The following BMP5 variants were observed in gnomAD, a reference collection of about 807,000 sequenced individuals.
BMP5 encodes bone morphogenetic protein 5.
BMP5 carries 23 observed loss-of-function variants against 46.6 expected under a neutral mutation model. That is an observed-to-expected ratio of 0.49 (90% CI 0.35 to 0.70). BMP5 has a LOEUF of 0.70. Ranked by LOEUF, BMP5 falls within the 30% of genes least tolerant of loss-of-function variation. The pLI is 0.00. For missense variants in BMP5, 545 were observed against 565.6 expected (o/e 0.96, Z 0.37); for synonymous variants, 204 against 191.9 (o/e 1.06, Z -0.52).
At chr6:55,825,296 G>A (rs1033432528) in intron 1 of BMP5, among the ~76,000 whole-genome samples, 1 of 151,804 alleles carries the variant, frequency 6.6e-6, no homozygotes, top group Admixed American at 6.6e-5. Context: ...AAATTACAGA[G>A]CTATCTAGAG....
chr6:55,793,441 A>T (rs975412689), intron 3 of BMP5, among the ~76,000 whole-genome samples: 1 of 152,160 alleles, frequency 6.6e-6, no homozygotes, highest in African/African-American at 2.4e-5. Context: ...TGCAAGTCTC[A>T]TAAAGCCATC....
At chr6:55,758,697 A>C (rs1334925709) in intron 6 of BMP5, among the ~76,000 whole-genome samples, 1 of 151,902 alleles carries the variant, frequency 6.6e-6, no homozygotes, top group Non-Finnish European at 1.5e-5. Flanking sequence ...CTAGGTTAGA[A>C]ACAGCCCCAG....
At position 55,759,118 on chromosome 6, in the gene BMP5, G is replaced by GAC. The variant is rs780694955; in HGVS notation, c.1105-5_1105-4dup. On this transcript the variant is annotated splice_polypyrimidine_tract_variant and splice_region_variant and intron_variant, in intron 5 of 6. Transcript: ENST00000370830. The stretch of plus-strand genomic sequence containing the variant: ...CCTTCTGGTGCTATAATCCAGTCCT[G>GAC]ACACATACACACACACACACACACA... The GAC allele has an allele frequency of 7.2e-6, 4 of 553,042 alleles. No individual in the cohort carries two copies. Among genetic ancestry groups the GAC allele is most frequent in the Non-Finnish European group, 1.2e-5 (4 of 321,514 alleles). The allele number at this position is 553,042 out of a possible 1,614,324, so 34.3% of individuals were successfully genotyped here.
chr6:55,816,818 T>C (rs1292265427), intron 2 of BMP5, among the ~76,000 whole-genome samples: 2 of 152,086 alleles, frequency 1.3e-5, no homozygotes, highest in African/African-American at 2.4e-5. Context: ...CGTACGTGTG[T>C]GTGTGTGTGT....
intron 1 of BMP5, among the ~76,000 whole-genome samples, chr6:55,841,393 A>T (rs961192485): frequency 3.3e-5 from 5 of 152,266 alleles, no homozygotes; most frequent in Admixed American, 2.0e-4. Context: ...CTCCAAAAAA[A>T]ATTTTGATTC....
intron 1 of BMP5, among the ~76,000 whole-genome samples, chr6:55,837,072 G>T (rs1289132438): frequency 1.4e-4 from 21 of 148,762 alleles, no homozygotes; most frequent in African/African-American, 5.2e-4. Context: ...TTTTTCCTGA[G>T]AAAGAGTCTG....
intron 2 of BMP5, among the ~76,000 whole-genome samples, chr6:55,816,093 G>GA (rs539235260): frequency 1.1e-4 from 17 of 151,708 alleles, no homozygotes; most frequent in African/African-American, 3.1e-4. Flanking sequence ...AATCATTCCT[G>GA]AAAAAAATGC....
chr6:55,858,551 T>C (rs1777454226), intron 1 of BMP5, among the ~76,000 whole-genome samples: 2 of 152,224 alleles, frequency 1.3e-5, no homozygotes, highest in South Asian at 2.1e-4. Flanking sequence ...TTTTAGATTA[T>C]CAAGAATGGA....
intron 2 of BMP5, among the ~76,000 whole-genome samples, chr6:55,805,913 G>T (rs1204046675): frequency 1.3e-5 from 2 of 151,908 alleles, no homozygotes; most frequent in Admixed American, 1.3e-4. Flanking sequence ...TTTTGATGGG[G>T]TTATTTTTTT....
intron 4 of BMP5, chr6:55,772,953 T>G (rs753169604): frequency 8.6e-5 from 84 of 981,866 alleles, no homozygotes; most frequent in Non-Finnish European, 9.9e-5. Flanking sequence ...GTCATCTATT[T>G]CTTATCTAAA....
At chr6:55,787,277 T>G (rs1775471578) in intron 3 of BMP5, among the ~76,000 whole-genome samples, 1 of 151,674 alleles carries the variant, frequency 6.6e-6, no homozygotes, top group Admixed American at 6.6e-5. Flanking sequence ...AATAGCAGAT[T>G]CTAGGACTTA....
At chr6:55,827,232 T>C (rs1366805999) in intron 1 of BMP5, among the ~76,000 whole-genome samples, 1 of 151,758 alleles carries the variant, frequency 6.6e-6, no homozygotes, top group African/African-American at 2.4e-5. Flanking sequence ...ATTAGGATTG[T>C]TAAGTAATAT....
intron 3 of BMP5, among the ~76,000 whole-genome samples, chr6:55,788,590 C>G (rs1582065585): frequency 6.6e-6 from 1 of 151,794 alleles, no homozygotes; most frequent in African/African-American, 2.4e-5. Context: ...AGTGAAAAGT[C>G]TGTGCAATCT....
At chr6:55,832,067 TC>T (rs1468867255) in intron 1 of BMP5, among the ~76,000 whole-genome samples, 1 of 152,080 alleles carries the variant, frequency 6.6e-6, no homozygotes, top group Non-Finnish European at 1.5e-5. Context: ...ATCACAAATA[TC>T]CCATTTACCA....
chr6:55,762,599 A>G (rs1261292142), intron 4 of BMP5, among the ~76,000 whole-genome samples: 1 of 152,130 alleles, frequency 6.6e-6, no homozygotes, highest in East Asian at 1.9e-4. Flanking sequence ...CTTGCAGCTA[A>G]CTTTGTTCAG....
chr6:55,859,143 A>C (rs1306199708), intron 1 of BMP5, among the ~76,000 whole-genome samples: 1 of 152,196 alleles, frequency 6.6e-6, no homozygotes, highest in African/African-American at 2.4e-5. Flanking sequence ...TTTAAAAAAA[A>C]AGTTTAAAAA....
intron 1 of BMP5, among the ~76,000 whole-genome samples, chr6:55,862,022 T>C (rs963124869): frequency 1.3e-5 from 2 of 152,218 alleles, no homozygotes; most frequent in African/African-American, 4.8e-5. Flanking sequence ...GAAATGCTAT[T>C]TGCATGCTCT....
At chr6:55,836,631 T>TACACACAC (rs61358651) in intron 1 of BMP5, among the ~76,000 whole-genome samples, 3,152 of 139,592 alleles carry the variant, frequency 0.023, 49 homozygotes, top group Middle Eastern at 0.056. Flanking sequence ...CATACATACA[T>TACACACAC]ACACACACAC....
At position 55,874,629 on chromosome 6, in the gene BMP5, G is replaced by C. The variant is rs1296707812; in HGVS notation, c.237C>G (p.Leu79=). 2 of 1,613,510 alleles carry C rather than the reference G, an allele frequency of 1.2e-6. No individual in the cohort carries two copies. Among genetic ancestry groups the C allele is most frequent in the Non-Finnish European group, 8.5e-7 (1 of 1,179,720 alleles). Residue 79 remains leucine (L), a synonymous_variant, in exon 1 of 7, where the codon CTC becomes CTG. Transcript: ENST00000370830. ...SPGKQASSAP[L]FMLDLYNAMT... ...TGGCATTGTAGAGATCCAGCATAAA[G>C]AGAGGTGCAGAGGACGCTTGTTTTC... is the stretch of plus-strand genomic sequence containing the variant.
Sources: allele counts gnomAD v4.1 joint callset (sites outside exome capture counted in the v4.1 genomes callset), GRCh38; gene constraint gnomAD v4.1.1; transcripts MANE v1.5; gene names NCBI Gene and HGNC (gene_info 2026-07-23, HGNC 2026-07-21).